TYW1B: variants seen among roughly 807,000 people sequenced by gnomAD.
TYW1B encodes tRNA-yW synthesizing protein 1 homolog B.
Under a neutral mutation model 86.9 loss-of-function variants are expected in TYW1B, and 73 were observed. The observed-to-expected ratio is 0.84, with a 90% CI of 0.70 to 1.02. TYW1B has a LOEUF of 1.02. Ranked by LOEUF, TYW1B falls within the 50% of genes least tolerant of loss-of-function variation. TYW1B has a pLI of 0.00. For missense variants in TYW1B, 637 were observed against 827.4 expected, an observed-to-expected ratio of 0.77 and a Z score of 2.82; for synonymous variants, 248 against 292.8, an observed-to-expected ratio of 0.85 and a Z score of 1.56.
At chr7:72,600,599 A>G (rs1291053810) in intron 13 of TYW1B, among the ~76,000 whole-genome samples, 1 of 152,224 alleles carries the variant, frequency 6.6e-6, no homozygotes. Flanking sequence ...TTCAAAATAC[A>G]TATCTGCTAA....
chr7:72,821,740 G>C (rs1377212395), intron 2 of TYW1B, among the ~76,000 whole-genome samples: 1 of 152,134 alleles, frequency 6.6e-6, no homozygotes, highest in African/African-American at 2.4e-5. Context: ...ATAAAAAGAA[G>C]TCAAAAGGTG....
At chr7:72,587,743 C>T (rs1415531965) in intron 13 of TYW1B, among the ~76,000 whole-genome samples, 6 of 152,154 alleles carry the variant, frequency 3.9e-5, no homozygotes, top group South Asian at 2.1e-4. Context: ...CAAACGCCAT[C>T]GGGTCCCTAG....
intron 4 of TYW1B, among the ~76,000 whole-genome samples, chr7:72,808,318 T>C (rs2129572622): frequency 6.6e-6 from 1 of 151,898 alleles, no homozygotes; most frequent in South Asian, 2.1e-4. Flanking sequence ...GGATGTGTGG[T>C]GGGCGCCTGT....
intron 2 of TYW1B, among the ~76,000 whole-genome samples, chr7:72,816,302 G>C (rs1396000780): frequency 1.3e-5 from 2 of 152,132 alleles, no homozygotes; most frequent in Non-Finnish European, 2.9e-5. Context: ...CTTGAATCCA[G>C]GAGGCAGAGG....
At chr7:72,586,739 AAATAAT>A (rs375819364) in intron 13 of TYW1B, among the ~76,000 whole-genome samples, 38 of 148,656 alleles carry the variant, frequency 2.6e-4, no homozygotes, top group East Asian at 3.9e-4. Context: ...GCCCATCTCA[AAATAAT>A]AATAATAATA....
At chr7:72,674,658 C>T (rs1467765957) in intron 11 of TYW1B, among the ~76,000 whole-genome samples, 1 of 152,002 alleles carries the variant, frequency 6.6e-6, no homozygotes, top group African/African-American at 2.4e-5. Flanking sequence ...AAGGTTGATT[C>T]CTGTGCTTAA....
chr7:72,664,946 C>T (rs1358705774), intron 11 of TYW1B, among the ~76,000 whole-genome samples: 3 of 152,154 alleles, frequency 2.0e-5, no homozygotes, highest in South Asian at 2.1e-4. Context: ...AGATTACTTA[C>T]AATAGCTAAT....
At chr7:72,721,614 A>ATG (rs1554457553) in intron 9 of TYW1B, among the ~76,000 whole-genome samples, 5 of 151,812 alleles carry the variant, frequency 3.3e-5, no homozygotes, top group African/African-American at 1.2e-4. Flanking sequence ...ACTCACACAC[A>ATG]CACACACATG....
At chr7:72,711,473 CTTTTTTTTTT>C (rs59438928) in intron 10 of TYW1B, among the ~76,000 whole-genome samples, 22 of 56,966 alleles carry the variant, frequency 3.9e-4, no homozygotes, top group East Asian at 1.3e-3. Flanking sequence ...CTCTTTAATT[CTTTTTTTTTT>C]TTTTTTTTTT....
At chr7:72,692,334 G>A (rs1554450481) in intron 11 of TYW1B, among the ~76,000 whole-genome samples, 1 of 151,658 alleles carries the variant, frequency 6.6e-6, no homozygotes, top group Non-Finnish European at 1.5e-5. Flanking sequence ...CCAGGAGTTT[G>A]AGACTGTCTC....
At chr7:72,811,914 C>A in intron 3 of TYW1B, among the ~76,000 whole-genome samples, 1 of 84,116 alleles carries the variant, frequency 1.2e-5, no homozygotes, top group African/African-American at 4.5e-5. Context: ...GCGAAGACTC[C>A]ATCTCAAAAA....
chr7:72,750,712 T>C (rs538272856), intron 7 of TYW1B, among the ~76,000 whole-genome samples: 1 of 152,264 alleles, frequency 6.6e-6, no homozygotes, highest in East Asian at 1.9e-4. Context: ...AAATATTGGA[T>C]CTCTTACCAC....
At chr7:72,676,136 G>C (rs2844203) in intron 11 of TYW1B, among the ~76,000 whole-genome samples, 3 of 152,148 alleles carry the variant, frequency 2.0e-5, no homozygotes, top group East Asian at 1.9e-4. Context: ...CAGGTTCCCA[G>C]AAACGATCAC....
chr7:72,586,692 G>A (rs201118380), intron 13 of TYW1B, among the ~76,000 whole-genome samples: 41 of 152,062 alleles, frequency 2.7e-4, no homozygotes, highest in African/African-American at 9.4e-4. Context: ...AGCAGAGATC[G>A]TGCCACTGCA....
chr7:72,654,698 C>G (rs187392030), intron 11 of TYW1B, among the ~76,000 whole-genome samples: 1 of 152,096 alleles, frequency 6.6e-6, no homozygotes, highest in Non-Finnish European at 1.5e-5. Flanking sequence ...CTGGCCAATA[C>G]AGTGGAACCC....
At chr7:72,602,791 T>C (rs1811695476) in intron 13 of TYW1B, among the ~76,000 whole-genome samples, 1 of 148,224 alleles carries the variant, frequency 6.7e-6, no homozygotes, top group Non-Finnish European at 1.5e-5. Flanking sequence ...GTGTGTGAGA[T>C]AATCCTGGAG....
At chr7:72,662,677 G>A (rs1554444653) in intron 11 of TYW1B, among the ~76,000 whole-genome samples, 1 of 152,102 alleles carries the variant, frequency 6.6e-6, no homozygotes, top group East Asian at 1.9e-4. Flanking sequence ...AATATAAATG[G>A]TATTTATTTC....
intron 7 of TYW1B, among the ~76,000 whole-genome samples, chr7:72,760,311 A>T (rs1310428006): frequency 6.6e-6 from 1 of 152,238 alleles, no homozygotes; most frequent in Non-Finnish European, 1.5e-5. Flanking sequence ...AAAGTGCATG[A>T]AAACTGCTGT....
At chr7:72,617,360 A>C (rs1293473709) in intron 12 of TYW1B, among the ~76,000 whole-genome samples, 5 of 152,048 alleles carry the variant, frequency 3.3e-5, no homozygotes, top group African/African-American at 1.2e-4. Flanking sequence ...GATCCCTTTA[A>C]AATTATTACT....
Sources: allele counts gnomAD v4.1 joint callset (sites outside exome capture counted in the v4.1 genomes callset), GRCh38; gene constraint gnomAD v4.1.1; transcripts MANE v1.5; gene names NCBI Gene and HGNC (gene_info 2026-07-23, HGNC 2026-07-21).